UNC5A: variants seen among roughly 807,000 people sequenced by gnomAD.
The protein encoded by UNC5A is netrin receptor UNC5A.
Under a neutral mutation model 87.4 loss-of-function variants are expected in UNC5A, and 20 were observed. The observed-to-expected ratio is 0.23, with a 90% CI of 0.16 to 0.33. The LOEUF is 0.33. Ranked by LOEUF, UNC5A falls within the 10% of genes least tolerant of loss-of-function variation. UNC5A has a pLI of 1.00. For synonymous variants in UNC5A, 438 were observed against 482.3 expected (o/e 0.91, Z 1.20); for missense variants, 844 against 1,133.4 (o/e 0.74, Z 3.67).
rs781390488 is a variant in UNC5A at position 176,874,380 on chromosome 5, C to G, written c.1192C>G (p.His398Asp). The G allele has an allele frequency of 5.3e-5, 86 of 1,613,662 alleles. No homozygotes were observed. The highest frequency in any genetic ancestry group is 6.3e-5 in the Non-Finnish European group (74 of 1,179,974). Residue 398 changes from histidine to aspartate, a missense_variant, in exon 8 of 15, where the codon CAC becomes GAC. This residue lies in a region of UNC5A where 353 missense variants were observed against 387.5 expected (regional missense o/e 0.91). Coordinates refer to ENST00000329542, the MANE Select transcript of UNC5A (RefSeq NM_133369.3). This position sits in a 1 kb window ranked among gnomAD's most constrained non-coding sequence, Gnocchi z 7.6. ...CCCCAAGTTCCAGCTCACCAATGGG[C>G]ACCTGCTCAGCCCCCTGGGTGGCGG... Reference protein sequence around the residue: ...PSPKFQLTNGHLLSPLGGGRH... With the variant: ...PSPKFQLTNGDLLSPLGGGRH...
intron 1 of UNC5A, among the ~76,000 whole-genome samples, chr5:176,842,114 G>GT (rs1233033183): frequency 6.6e-6 from 1 of 152,188 alleles, no homozygotes; most frequent in Non-Finnish European, 1.5e-5. Flanking sequence ...GGAGAATGGC[G>GT]TGAACCCGGG....
At chr5:176,861,849 A>T (rs1992109) in intron 1 of UNC5A, among the ~76,000 whole-genome samples, 1 of 151,248 alleles carries the variant, frequency 6.6e-6, no homozygotes, top group Non-Finnish European at 1.5e-5. Flanking sequence ...TTCAAAGGGC[A>T]GCTGGGGGTT....
rs117044324 is a variant in UNC5A, at chr5:176,879,107, C to T, written c.2185-203C>T. Among the ~76,000 whole-genome samples, 133 of 152,214 alleles carry T rather than the reference C, an allele frequency of 8.7e-4. 1 individual carries two copies. In the East Asian group the frequency reaches 0.025, roughly 28 times the overall value. On this transcript the variant is annotated intron_variant, in intron 13 of 14. Transcript: ENST00000329542. ...AGGCCACAGAGGGCTCCTCTGCTCT[C>T]TGGCTATGTGGCTTTGGGCAGGTCG...
intron 6 of UNC5A, among the ~76,000 whole-genome samples, chr5:176,872,820 C>T (rs1229421385): frequency 7.8e-6 from 1 of 128,542 alleles, no homozygotes; most frequent in Non-Finnish European, 1.7e-5. Context: ...TGCCCACACT[C>T]GCCCCAACAC....
rs372613208 is a variant in UNC5A, at chr5:176,870,541, C to T, written c.886+7C>T. The T allele has an allele frequency of 5.1e-6, 8 of 1,572,724 alleles. No homozygotes were observed. In the African/African-American group the frequency reaches 6.7e-5, roughly 13 times the overall value. On this transcript the variant is annotated splice_region_variant and intron_variant, in intron 6 of 14. Coordinates refer to ENST00000329542, the MANE Select transcript of UNC5A (RefSeq NM_133369.3). ...AGTGACCTCTGTGTACACAGTGAGT[C>T]CTCTCTGCCCTGAGGTCCTCTTCTG... is the stretch of plus-strand genomic sequence containing the variant.
At chr5:176,820,329 G>A (rs1206650731) in intron 1 of UNC5A, among the ~76,000 whole-genome samples, 3 of 152,144 alleles carry the variant, frequency 2.0e-5, no homozygotes, top group African/African-American at 7.2e-5. Flanking sequence ...CCTGGGAGGT[G>A]GAGCTTGCAG....
rs767839522 is a variant in UNC5A at position 176,877,885 on chromosome 5, T to C, written c.1636-9T>C. ...TGGGCCGAATTGACCCACTGACCCC[T>C]GCCCACAGGATGTGCTGCACCTGGG... is the stretch of plus-strand genomic sequence containing the variant. On this transcript the variant is annotated splice_polypyrimidine_tract_variant and intron_variant, in intron 10 of 14. Coordinates refer to ENST00000329542, the MANE Select transcript of UNC5A (RefSeq NM_133369.3). 6.3e-7 allele frequency: 1 copy of C among 1,596,344 alleles called. No homozygotes were observed. Among genetic ancestry groups the C allele is most frequent in the Admixed American group, 1.7e-5 (1 of 59,478 alleles).
rs995932214 is a variant in UNC5A, at chr5:176,869,323, C to T, written c.721+359C>T. 2.0e-5 allele frequency among the ~76,000 whole-genome samples: 3 copies of T among 152,088 alleles called. No homozygotes were observed. Among genetic ancestry groups the T allele is most frequent in the African/African-American group, 7.2e-5 (3 of 41,416 alleles). The stretch of plus-strand genomic sequence containing the variant: ...CCCAGGAGCCAGCAGAGGGAGGGTG[C>T]GGGAGTCACCCCAGGAGAGGCTGGG... On this transcript the variant is annotated intron_variant, in intron 5 of 14. Transcript: ENST00000329542. The surrounding 1 kb of genome is among the most constrained non-coding windows in gnomAD (Gnocchi z 9.1).
chr5:176,867,182 A>C (rs1757995695), intron 2 of UNC5A, among the ~76,000 whole-genome samples: 1 of 152,178 alleles, frequency 6.6e-6, no homozygotes, highest in Non-Finnish European at 1.5e-5. Flanking sequence ...AATTGGGGTC[A>C]GGAGGAGGAG....
intron 1 of UNC5A, among the ~76,000 whole-genome samples, chr5:176,845,314 C>G (rs565259075): frequency 1.6e-3 from 243 of 152,358 alleles, no homozygotes; most frequent in African/African-American, 5.6e-3. Context: ...TCCCCACGCT[C>G]AGTGTCCTGG....
chr5:176,852,621 T>C (rs552516992), intron 1 of UNC5A, among the ~76,000 whole-genome samples: 35 of 152,254 alleles, frequency 2.3e-4, no homozygotes, highest in Non-Finnish European at 4.6e-4. Flanking sequence ...AGACCTCAGC[T>C]TTATTAACTA....
intron 2 of UNC5A, among the ~76,000 whole-genome samples, chr5:176,863,878 C>T (rs1047588757): frequency 1.5e-4 from 21 of 142,878 alleles, no homozygotes; most frequent in Non-Finnish European, 2.8e-4. Context: ...CCTCCTCCTC[C>T]TCACTCATTA....
Position 176,849,306 on chromosome 5 carries a change from T to C in UNC5A, c.71-13318T>C, listed in dbSNP as rs185438790. ...TGGGGAAAAAAAAATCAGTGCAGGCTGGGCGCAGTGGCTCACGCCTGTAAT... is the reference window on the plus strand; with the variant it reads ...TGGGGAAAAAAAAATCAGTGCAGGCCGGGCGCAGTGGCTCACGCCTGTAAT... On this transcript the variant is annotated intron_variant, in intron 1 of 14. Transcript: ENST00000329542. Among the ~76,000 whole-genome samples, 590 of 152,268 alleles carry C rather than the reference T, an allele frequency of 3.9e-3. 4 individuals carry two copies. Among genetic ancestry groups the C allele is most frequent in the Middle Eastern group, 0.01 (3 of 294 alleles).
At chr5:176,813,602 G>C (rs147833621) in intron 1 of UNC5A, among the ~76,000 whole-genome samples, 8 of 152,248 alleles carry the variant, frequency 5.3e-5, no homozygotes, top group East Asian at 3.9e-4. Context: ...GTGTTGGGAG[G>C]GGGGGCTTCT....
chr5:176,834,719 C>T (rs1234449249), intron 1 of UNC5A, among the ~76,000 whole-genome samples: 1 of 149,390 alleles, frequency 6.7e-6, no homozygotes, highest in African/African-American at 2.5e-5. Context: ...CTCTGTCTCT[C>T]TCTCCCTCCT....
In UNC5A at chr5:176,878,106, T is replaced by G. The variant is rs1416749264; in HGVS notation, c.1848T>G (p.His616Gln). The G allele has an allele frequency of 6.2e-7, 1 of 1,609,090 alleles. No individual in the cohort carries two copies. Reference protein sequence around the residue: ...LEYNIRVYCLHDTHDALKEVV... With the variant: ...LEYNIRVYCLQDTHDALKEVV... ...ACAACATCCGGGTCTACTGCCTGCATGACACCCACGATGCACTCAAGGTAT... is the reference window on the plus strand; with the variant it reads ...ACAACATCCGGGTCTACTGCCTGCAGGACACCCACGATGCACTCAAGGTAT... The change falls in exon 11 of 15, where the codon CAT becomes CAG. Residue 616 changes from histidine to glutamine, a missense_variant. By Grantham distance (24) the His-to-Gln change is conservative (BLOSUM62 0). Transcript: ENST00000329542.
At chr5:176,831,625 C>G (rs936797022) in intron 1 of UNC5A, among the ~76,000 whole-genome samples, 2 of 152,206 alleles carry the variant, frequency 1.3e-5, no homozygotes, top group Non-Finnish European at 2.9e-5. Flanking sequence ...ACCTTGGACC[C>G]TCCTGCAGTG....
intron 1 of UNC5A, among the ~76,000 whole-genome samples, chr5:176,827,768 A>G (rs770511712): frequency 7.9e-5 from 12 of 152,238 alleles, no homozygotes; most frequent in African/African-American, 1.4e-4. Context: ...TCTCACTAGC[A>G]ATAACGAGGG....
At chr5:176,817,523 C>T (rs1363162230) in intron 1 of UNC5A, among the ~76,000 whole-genome samples, 1 of 152,192 alleles carries the variant, frequency 6.6e-6, no homozygotes, top group African/African-American at 2.4e-5. Context: ...AGCCGAGGGG[C>T]CAGTGGTTTT....
Sources: allele counts gnomAD v4.1 joint callset (sites outside exome capture counted in the v4.1 genomes callset), GRCh38; gene constraint gnomAD v4.1.1; regional missense constraint gnomAD v4.1.1; non-coding constraint Gnocchi (gnomAD v3.1); transcripts MANE v1.5; gene names NCBI Gene and HGNC (gene_info 2026-07-23, HGNC 2026-07-21).